Variants in ABCC9 observed in about 807,000 individuals in gnomAD.
ABCC9 encodes the protein ATP-binding cassette sub-family C member 9.
In ABCC9, 95 loss-of-function variants were observed where a neutral mutation model predicts 188.3. The observed-to-expected ratio is 0.50, with a 90% confidence interval of 0.43 to 0.60. ABCC9 has a LOEUF of 0.60. Ranked by LOEUF, ABCC9 falls within the 20% of genes least tolerant of loss-of-function variation. ABCC9 has a pLI of 0.00. For missense variants in ABCC9, 1,102 were observed against 1,876.3 expected (o/e 0.59, Z 7.62); for synonymous variants, 659 against 652.7 (o/e 1.01, Z -0.15).
intron 29 of ABCC9, among the ~76,000 whole-genome samples, chr12:21,841,214 A>C (rs759352921): frequency 6.6e-6 from 1 of 152,210 alleles, no homozygotes; most frequent in African/African-American, 2.4e-5. Context: ...TGGAAATTTT[A>C]AAACAGCTGG....
intron 18 of ABCC9, among the ~76,000 whole-genome samples, chr12:21,870,239 G>A (rs1946000692): frequency 6.6e-6 from 1 of 151,722 alleles, no homozygotes; most frequent in South Asian, 2.1e-4. Flanking sequence ...AAGGTATATG[G>A]AAGATATTTC....
chr12:21,815,647 C>T (rs1407529546), intron 34 of ABCC9, 116 bp downstream of exon 34: 5 of 1,296,446 alleles, frequency 3.9e-6, no homozygotes, highest in South Asian at 1.2e-5. Flanking sequence ...ATTTGACCTA[C>T]ATCAGGTAGG....
chr12:21,871,056 A>T (rs1946047109), intron 18 of ABCC9, among the ~76,000 whole-genome samples: 1 of 152,200 alleles, frequency 6.6e-6, no homozygotes, highest in African/African-American at 2.4e-5. Context: ...TAAAATCTCA[A>T]GCCTTTTCTG....
At chr12:21,916,367 C>G (rs1948604750) in intron 6 of ABCC9, among the ~76,000 whole-genome samples, 1 of 152,120 alleles carries the variant, frequency 6.6e-6, no homozygotes. Flanking sequence ...TCAAAGTTCT[C>G]TGATAAAAAA....
intron 30 of ABCC9, among the ~76,000 whole-genome samples, chr12:21,831,992 A>G (rs764230709): frequency 6.6e-6 from 1 of 152,214 alleles, no homozygotes; most frequent in Non-Finnish European, 1.5e-5. Context: ...GGAGTTGGCA[A>G]TAGTCTGAGG....
Position 21,864,470 on chromosome 12 carries a change from C to T in ABCC9, c.2206G>A (p.Glu736Lys), listed in dbSNP as rs1285438330. Residue 736 changes from glutamate to lysine, a missense_variant, in exon 19 of 40, where the codon GAA becomes AAA. Physicochemically the swap from Glu to Lys is moderately conservative, Grantham distance 56. This residue lies in a region of ABCC9 where 258 missense variants were observed against 325.6 expected (regional missense o/e 0.79). Coordinates refer to ENST00000261200, the MANE Select transcript of ABCC9 (RefSeq NM_020297.4). ...EGKVHWSNVN[E>K]SEPSFEATRS... ...GTTGCTTCAAAAGAAGGCTCAGATTCATTTACACTGCAAGTATGGCAAACA... is the reference window on the plus strand; with the variant it reads ...GTTGCTTCAAAAGAAGGCTCAGATTTATTTACACTGCAAGTATGGCAAACA... The T allele has an allele frequency of 6.3e-7, 1 of 1,592,258 alleles. No individual in the cohort carries two copies. Among genetic ancestry groups the T allele is most frequent in the Non-Finnish European group, 8.6e-7 (1 of 1,160,522 alleles).
chr12:21,854,136 T>C (rs1016822241), intron 22 of ABCC9, among the ~76,000 whole-genome samples: 3 of 152,230 alleles, frequency 2.0e-5, no homozygotes, highest in African/African-American at 7.2e-5. Flanking sequence ...TCTCTACAGA[T>C]AGATTGCATT....
chr12:21,847,591 A>G (rs1460666692), intron 25 of ABCC9, among the ~76,000 whole-genome samples: 3 of 152,180 alleles, frequency 2.0e-5, no homozygotes, highest in African/African-American at 7.2e-5. Flanking sequence ...ATGTCAAAGC[A>G]GTGTAATTAT....
intron 4 of ABCC9, 74 bp from the exon 5 acceptor site, chr12:21,926,137 A>G (rs923671096): frequency 1.9e-6 from 3 of 1,594,692 alleles, no homozygotes; most frequent in Non-Finnish European, 2.6e-6. Context: ...AAATTTTTTC[A>G]TAAGAACTCT....
chr12:21,894,158 G>C lies in ABCC9; in HGVS notation c.1676C>G (p.Ala559Gly). ...AAVLATFVTH[A>G]YASGNNLKPA... ...TTTCAGATTGTTTCCACTGGCATAC[G>C]CATGGGTCACAAATGTCTGTGCAAA... is the stretch of plus-strand genomic sequence containing the variant. The change falls in exon 14 of 40, where the codon GCG (alanine) becomes GGG (glycine). Residue 559 changes from alanine to glycine, a missense_variant. Ala to Gly is a moderately conservative substitution (Grantham distance 60). This residue lies in a region of ABCC9 where 258 missense variants were observed against 325.6 expected (regional missense o/e 0.79). Transcript: ENST00000261200. The C allele has an allele frequency of 6.2e-7, 1 of 1,614,006 alleles. No individual in the cohort carries two copies. Among genetic ancestry groups the C allele is most frequent in the Non-Finnish European group, 8.5e-7 (1 of 1,179,970 alleles).
At chr12:21,889,991 CTG>C (rs1947072699) in intron 14 of ABCC9, among the ~76,000 whole-genome samples, 1 of 152,158 alleles carries the variant, frequency 6.6e-6, no homozygotes, top group South Asian at 2.1e-4. Flanking sequence ...TCCCACTAGA[CTG>C]TGAACTCGTT....
At chr12:21,841,265 T>G (rs1944372415) in intron 29 of ABCC9, among the ~76,000 whole-genome samples, 1 of 151,794 alleles carries the variant, frequency 6.6e-6, no homozygotes, top group South Asian at 2.1e-4. Context: ...AAATGACAAA[T>G]CCTAAACGAA....
chr12:21,936,094 A>G (rs1469924096), intron 3 of ABCC9, among the ~76,000 whole-genome samples: 1 of 152,090 alleles, frequency 6.6e-6, no homozygotes, highest in African/African-American at 2.4e-5. Flanking sequence ...TTGTTTCAGC[A>G]GGTTAATTTG....
Position 21,915,812 on chromosome 12 carries a change from T to A in ABCC9, c.672A>T (p.Ser224=), listed in dbSNP as rs1159041999. 1.2e-6 allele frequency: 2 copies of A among 1,613,544 alleles called. No homozygotes were observed. Among genetic ancestry groups the A allele is most frequent in the Non-Finnish European group, 1.7e-6 (2 of 1,179,868 alleles). The change falls in exon 7 of 40, where the codon TCA becomes TCT. Residue 224 remains serine (S), a synonymous_variant. Transcript: ENST00000261200. ...RFLQPFVNLL[S]KATYWWMNTL... The stretch of plus-strand genomic sequence containing the variant: ...TGTTCATCCACCAGTATGTTGCTTT[T>A]GACAGCAAATTCACAAATGGTTGAA...
At chr12:21,873,472 G>T (rs892503745) in intron 17 of ABCC9, among the ~76,000 whole-genome samples, 4 of 152,112 alleles carry the variant, frequency 2.6e-5, no homozygotes, top group Admixed American at 2.6e-4. Context: ...AATTAATATT[G>T]TTAAAATGTC....
chr12:21,798,222 G>A lies in ABCC9; in HGVS notation c.*2822C>T, dbSNP rs1941246804. On this transcript the variant is annotated 3_prime_UTR_variant, in exon 40 of 40. Coordinates refer to ENST00000261200, the MANE Select transcript of ABCC9 (RefSeq NM_020297.4). Reference sequence around the variant, plus strand: ...GATGTTGCCTGTAGCAATATAATAAGAAAATATCATTAAAAGATTACTTCC... The same window carrying A: ...GATGTTGCCTGTAGCAATATAATAAAAAAATATCATTAAAAGATTACTTCC... 1.3e-5 allele frequency: 2 copies of A among 152,156 alleles called. No individual in the cohort carries two copies. The allele number at this position is 152,156 out of a possible 1,614,324, so 9.4% of individuals were successfully genotyped here. A position where few individuals can be genotyped will look rare whatever the true frequency, so the allele number is the denominator to read the frequency against.
chr12:21,864,630 A>C (rs978272120), intron 18 of ABCC9, among the ~76,000 whole-genome samples, 153 bp from the exon 19 acceptor site: 7 of 152,198 alleles, frequency 4.6e-5, no homozygotes, highest in African/African-American at 1.7e-4. Context: ...GACAAACCAG[A>C]TAAGTAGTAT....
chr12:21,938,633 G>C (rs184317395), intron 2 of ABCC9, among the ~76,000 whole-genome samples: 1 of 152,158 alleles, frequency 6.6e-6, no homozygotes, highest in Non-Finnish European at 1.5e-5. Flanking sequence ...ACTAGAAAAT[G>C]ATTTTTACTT....
Position 21,859,624 on chromosome 12 carries a change from C to A in ABCC9, c.2467G>T (p.Ala823Ser). 1 of 1,613,888 alleles carries A rather than the reference C, an allele frequency of 6.2e-7. No homozygotes were observed. Among genetic ancestry groups the A allele is most frequent in the Non-Finnish European group, 8.5e-7 (1 of 1,179,862 alleles). Residue 823 changes from alanine (A) to serine (S), a missense_variant, in exon 22 of 40, where the codon GCA (alanine) becomes TCA (serine). Around this residue, in one of 12 missense-constraint regions of ABCC9, gnomAD observed 31 missense variants for 78.8 expected, o/e 0.39. Coordinates refer to ENST00000261200, the MANE Select transcript of ABCC9 (RefSeq NM_020297.4). ...TTGGTGTTTTGATACAGCGCTCGTG[C>A]CACACAGATTCTCTGCCTCTGTCCC... ...SGGQRQRICV[A>S]RALYQNTNIV...
Sources: gnomAD v4.1 joint callset for allele counts (sites outside exome capture counted in the v4.1 genomes callset) on GRCh38, gnomAD v4.1.1 for gene constraint, gnomAD v4.1.1 regional missense constraint, MANE v1.5 for transcripts, NCBI Gene and HGNC (gene_info 2026-07-23, HGNC 2026-07-21) for gene names.